Variants in ZNF717 observed in about 807,000 individuals in gnomAD.
ZNF717 encodes zinc finger protein 717, also known as krueppel-like factor X17.
Under a neutral mutation model 13.8 loss-of-function variants are expected in ZNF717, and 9 were observed. That is an observed-to-expected ratio of 0.65 (90% confidence interval 0.39 to 1.14). The LOEUF (loss-of-function observed/expected upper bound fraction) is 1.14, where lower values mean the gene tolerates loss of function less well. Among genes scored for constraint, ZNF717 ranks in the 50% most tolerant of loss-of-function variants. ZNF717 has a pLI of 0.01. For synonymous variants in ZNF717, 327 were observed against 364.1 expected (o/e 0.90, Z 1.16); for missense variants, 1,040 against 1,080.7 (o/e 0.96, Z 0.53).
rs555781356 is a variant in ZNF717, at chr3:75,741,812, C to T, written c.58-76G>A. On this transcript the variant is annotated intron_variant, in intron 2 of 4. Coordinates refer to ENST00000652011, the MANE Select transcript of ZNF717 (RefSeq NM_001290208.3). ...GGGTCCTCTAAGCATCATCCACGTC[C>T]TGCCACTCCTCCCAGGTGAAGTGCA... 1.9e-5 allele frequency: 29 copies of T among 1,524,828 alleles called. No homozygotes were observed. In the South Asian group the frequency reaches 3.3e-4, roughly 17 times the overall value. The allele number at this position is 1,524,828 out of a possible 1,614,324, so 94.5% of individuals were successfully genotyped here.
chr3:75,748,701 A>T (rs1248099423), intron 2 of ZNF717, among the ~76,000 whole-genome samples: 1 of 152,168 alleles, frequency 6.6e-6, no homozygotes, highest in Non-Finnish European at 1.5e-5. Flanking sequence ...TAAAAATAAT[A>T]AGAGCTATTC....
downstream of ZNF717, among the ~76,000 whole-genome samples, chr3:75,704,698 T>C (rs1937766388): frequency 6.6e-6 from 1 of 152,310 alleles, no homozygotes; most frequent in African/African-American, 2.4e-5. Context: ...ACCTGAGTGC[T>C]CTGCATCTTG....
chr3:75,737,568 G>A lies in ZNF717; in HGVS notation c.2055C>T (p.Val685=), dbSNP rs753259576. 3 of 1,544,838 alleles carry A rather than the reference G, an allele frequency of 1.9e-6. No individual in the cohort carries two copies. Among genetic ancestry groups the A allele is most frequent in the Middle Eastern group, 3.4e-4 (2 of 5,964 alleles). ...MDVMNVEKLF[V]RNHTLLYIRE... ...TGATGTATAATAAGGTATGATTTCT[G>A]ACAAAAAGTTTTTCCACATTCATTA... is the stretch of plus-strand genomic sequence containing the variant. The change falls in exon 5 of 5, where the codon GTC becomes GTT. Residue 685 remains valine, a synonymous_variant. Transcript: ENST00000652011.
At chr3:75,748,525 G>A (rs1459841199) in intron 2 of ZNF717, among the ~76,000 whole-genome samples, 1 of 152,252 alleles carries the variant, frequency 6.6e-6, no homozygotes, top group East Asian at 1.9e-4. Context: ...GGGATGCAAG[G>A]CTGGTTCAAC....
At chr3:75,753,103 G>A (rs80033595) in intron 2 of ZNF717, among the ~76,000 whole-genome samples, 1 of 150,646 alleles carries the variant, frequency 6.6e-6, no homozygotes, top group Non-Finnish European at 1.5e-5. Flanking sequence ...ACTGCTGCTA[G>A]GGTCTGAATA....
At chr3:75,707,259 C>A (rs2106827221), downstream of ZNF717, among the ~76,000 whole-genome samples, 1 of 152,200 alleles carries the variant, frequency 6.6e-6, no homozygotes, top group African/African-American at 2.4e-5. Flanking sequence ...CCCTTAGCAC[C>A]AAATTCTTGC....
At position 75,737,992 on chromosome 3, in the gene ZNF717, T is replaced by C. The variant is rs1575762827; in HGVS notation, c.1631A>G (p.Tyr544Cys). ...TACTGTAAGGTATGACTTGTGGCTATATGTTTTTCCACATTCGTTACATGC... is the reference window on the plus strand; with the variant it reads ...TACTGTAAGGTATGACTTGTGGCTACATGTTTTTCCACATTCGTTACATGC... ...PYACNECGKT[Y>C]SHKSYLTVHH... is the part of the protein sequence containing the mutation. The change falls in exon 5 of 5, where the codon TAT (tyrosine) becomes TGT (cysteine). Residue 544 changes from tyrosine (Y) to cysteine (C), a missense_variant. By Grantham distance (194) the Tyr-to-Cys change is radical. This residue lies in a region of ZNF717 where 873 missense variants were observed against 832.8 expected (regional missense o/e 1.05). Transcript: ENST00000652011. 11 of 1,342,398 alleles carry C rather than the reference T, an allele frequency of 8.2e-6. No individual in the cohort carries two copies. The highest frequency in any genetic ancestry group is 1.1e-5 in the Non-Finnish European group (11 of 1,007,288). The allele number at this position is 1,342,398 out of a possible 1,614,324, so 83.2% of individuals were successfully genotyped here.
At position 75,738,471 on chromosome 3, in the gene ZNF717, T is replaced by C. The variant is rs1553661801; in HGVS notation, c.1152A>G (p.Leu384=). The stretch of plus-strand genomic sequence containing the variant: ...TTTCCCCTGAGTGAGTTCTGTGATG[T>C]AAAGTGAGAAGTGACTTACAGTGAA... ...KTFHCKSLLT[L]HHRTHSGEKP... Residue 384 remains leucine (L), a synonymous_variant, in exon 5 of 5, where the codon TTA becomes TTG. Coordinates refer to ENST00000652011, the MANE Select transcript of ZNF717 (RefSeq NM_001290208.3). 1.3e-6 allele frequency: 2 copies of C among 1,532,094 alleles called. No individual in the cohort carries two copies. Among genetic ancestry groups the C allele is most frequent in the Non-Finnish European group, 1.8e-6 (2 of 1,133,026 alleles). The allele number at this position is 1,532,094 out of a possible 1,614,324, so 94.9% of individuals were successfully genotyped here.
intron 2 of ZNF717, among the ~76,000 whole-genome samples, chr3:75,756,340 A>G (rs1308307805): frequency 6.6e-6 from 1 of 152,220 alleles, no homozygotes; most frequent in Non-Finnish European, 1.5e-5. Flanking sequence ...ATTGTGGCCA[A>G]TTAATAACCC....
At chr3:75,765,017 A>ATGTGTGTGTG (rs1553680573) in intron 2 of ZNF717, among the ~76,000 whole-genome samples, 2 of 31,022 alleles carry the variant, frequency 6.4e-5, no homozygotes, top group African/African-American at 2.0e-4. Context: ...ATATATATAT[A>ATGTGTGTGTG]TATATATATA....
intron 2 of ZNF717, among the ~76,000 whole-genome samples, chr3:75,762,569 A>T (rs2107567529): frequency 1.3e-5 from 2 of 152,282 alleles, no homozygotes; most frequent in Middle Eastern, 6.8e-3. Context: ...CTAAACACAA[A>T]TCAATGAAAA....
chr3:75,703,404 C>T (rs1203643731), intron 6 of ZNF717, among the ~76,000 whole-genome samples: 2 of 152,298 alleles, frequency 1.3e-5, no homozygotes, highest in Admixed American at 1.3e-4. Context: ...ATGATGCATG[C>T]CTGTAATCGC....
intron 2 of ZNF717, among the ~76,000 whole-genome samples, chr3:75,752,925 G>A (rs1257875596): frequency 6.6e-6 from 1 of 150,676 alleles, no homozygotes; most frequent in African/African-American, 2.4e-5. Context: ...TGGTCTGAAA[G>A]TTTGTCCCTC....
chr3:75,737,518 G>C lies in ZNF717; in HGVS notation c.2105C>G (p.Pro702Arg), dbSNP rs1243938314. 3.8e-5 allele frequency: 59 copies of C among 1,554,162 alleles called. No homozygotes were observed. The highest frequency in any genetic ancestry group is 4.6e-5 in the Non-Finnish European group (53 of 1,148,632). ...YIRELTPGKS[P>R]MNVMNVENPF... is the part of the protein sequence containing the mutation. ...ATTTTCCACATTCATTACATTCATA[G>C]GGCTTTTCCCCGGTGTGAGTTCTCT... Residue 702 changes from proline (P) to arginine (R), a missense_variant, in exon 5 of 5, where the codon CCT becomes CGT. By Grantham distance (103) the Pro-to-Arg change is moderately radical. Around this residue, in one of 3 missense-constraint regions of ZNF717, gnomAD observed 873 missense variants for 832.8 expected, o/e 1.05. Coordinates refer to ENST00000652011, the MANE Select transcript of ZNF717 (RefSeq NM_001290208.3).
intron 2 of ZNF717, among the ~76,000 whole-genome samples, chr3:75,773,047 T>G (rs553586077): frequency 2.3e-4 from 35 of 152,336 alleles, no homozygotes; most frequent in Admixed American, 2.0e-3. Context: ...TTGAATCCAG[T>G]TCCAGTTAGA....
At chr3:75,722,906 T>G (rs1363245189) in intron 4 of ZNF717, among the ~76,000 whole-genome samples, 2 of 151,954 alleles carry the variant, frequency 1.3e-5, no homozygotes, top group African/African-American at 4.8e-5. Flanking sequence ...ATGGGAGGCA[T>G]GACACCACAT....
Position 75,738,498 on chromosome 3 carries a change from A to G in ZNF717, c.1125T>C (p.Thr375=), listed in dbSNP as rs376749191. The part of the protein sequence containing the change: ...KPYKCIECGK[T]FHCKSLLTLH... ...AAGTGAGAAGTGACTTACAGTGAAA[A>G]GTTTTTCCACATTCAATACATTTGT... is the stretch of plus-strand genomic sequence containing the variant. The change falls in exon 5 of 5, where the codon ACT becomes ACC. Residue 375 remains threonine (T), a synonymous_variant. Coordinates refer to ENST00000652011, the MANE Select transcript of ZNF717 (RefSeq NM_001290208.3). 1 of 1,529,992 alleles carries G rather than the reference A, an allele frequency of 6.5e-7. No homozygotes were observed. The highest frequency in any genetic ancestry group is 1.4e-5 in the African/African-American group (1 of 72,232). The allele number at this position is 1,529,992 out of a possible 1,614,324, so 94.8% of individuals were successfully genotyped here. A position where few individuals can be genotyped will look rare whatever the true frequency, so the allele number is the denominator to read the frequency against.
At chr3:75,765,605 G>A (rs956996936) in intron 2 of ZNF717, among the ~76,000 whole-genome samples, 5 of 151,950 alleles carry the variant, frequency 3.3e-5, no homozygotes, top group Non-Finnish European at 5.9e-5. Context: ...TTGTAGACAG[G>A]GTTTTGCCAT....
downstream of ZNF717, among the ~76,000 whole-genome samples, chr3:75,731,744 A>G (rs1393634502): frequency 6.6e-6 from 1 of 152,182 alleles, no homozygotes; most frequent in African/African-American, 2.4e-5. Context: ...GAGACCCCCA[A>G]CTCTAAAAAA....
Sources: allele counts gnomAD v4.1 joint callset (sites outside exome capture counted in the v4.1 genomes callset), GRCh38; gene constraint gnomAD v4.1.1; regional missense constraint gnomAD v4.1.1; transcripts MANE v1.5; gene names NCBI Gene and HGNC (gene_info 2026-07-23, HGNC 2026-07-21).